Variants in MIS18A observed in about 807,000 individuals in gnomAD.
MIS18A encodes the protein protein Mis18-alpha.
A neutral mutation model predicts 25.0 loss-of-function variants in MIS18A; 14 were observed. The observed-to-expected ratio is 0.56, with a 90% CI of 0.37 to 0.88. The LOEUF (loss-of-function observed/expected upper bound fraction) is 0.88, where lower values mean the gene tolerates loss of function less well. Ranked by LOEUF, MIS18A falls within the 40% of genes least tolerant of loss-of-function variation. The probability of loss-of-function intolerance (pLI) is 0.00; values close to 1 mark genes in which losing one functional copy is unlikely to be tolerated. For missense variants in MIS18A, 292 were observed against 290.8 expected, an observed-to-expected ratio of 1.00 and a Z score of -0.03; for synonymous variants, 134 against 118.6, an observed-to-expected ratio of 1.13 and a Z score of -0.84.
At chr21:32,184,523 T>C in the MIS18A span, among the ~76,000 whole-genome samples, 1 of 152,180 alleles carries the variant, frequency 6.6e-6, no homozygotes, top group African/African-American at 2.4e-5. Context: ...ATCTGAGACA[T>C]CCCAATTATC....
intron 2 of MIS18A, among the ~76,000 whole-genome samples, chr21:32,271,060 C>T (rs2031706232): frequency 6.6e-6 from 1 of 152,156 alleles, no homozygotes; most frequent in Non-Finnish European, 1.5e-5. Context: ...TAGATGACAA[C>T]CCATGTAATT....
chr21:32,245,415 C>CTGAG, the MIS18A span, among the ~76,000 whole-genome samples: 1 of 152,222 alleles, frequency 6.6e-6, no homozygotes, highest in Admixed American at 6.5e-5. Flanking sequence ...GTGTGTGAAG[C>CTGAG]TGAGCCCTTT....
chr21:32,200,237 C>T, the MIS18A span, among the ~76,000 whole-genome samples: 4 of 152,238 alleles, frequency 2.6e-5, no homozygotes, highest in African/African-American at 9.6e-5. Flanking sequence ...TTTGCAAAAA[C>T]AGGCGCTGGG....
chr21:32,197,843 A>T, the MIS18A span: 4 of 152,232 alleles, frequency 2.6e-5, no homozygotes, highest in African/African-American at 9.6e-5. Context: ...GGTTGGCCCC[A>T]AACAGGCTTC....
At chr21:32,231,502 C>G in the MIS18A span, among the ~76,000 whole-genome samples, 5 of 152,124 alleles carry the variant, frequency 3.3e-5, no homozygotes, top group African/African-American at 7.2e-5. Context: ...TCACGTCACA[C>G]CCACTATGAT....
At chr21:32,246,406 T>A in the MIS18A span, among the ~76,000 whole-genome samples, 1 of 152,098 alleles carries the variant, frequency 6.6e-6, no homozygotes, top group South Asian at 2.1e-4. Flanking sequence ...CTGGTTTCTG[T>A]TAGGAAACCC....
chr21:32,257,786 G>A, the MIS18A span, among the ~76,000 whole-genome samples: 1 of 152,190 alleles, frequency 6.6e-6, no homozygotes, highest in Non-Finnish European at 1.5e-5. Context: ...AGGACTCCCA[G>A]TGTGCTGGAA....
the MIS18A span, among the ~76,000 whole-genome samples, chr21:32,178,588 T>C: frequency 6.6e-6 from 1 of 152,220 alleles, no homozygotes; most frequent in Non-Finnish European, 1.5e-5. Context: ...GTCTTGATGA[T>C]TTTGAGAAGT....
At chr21:32,252,666 C>G in the MIS18A span, among the ~76,000 whole-genome samples, 2 of 152,152 alleles carry the variant, frequency 1.3e-5, no homozygotes, top group African/African-American at 2.4e-5. Context: ...CTAAGTTGAC[C>G]CCCTACCACA....
chr21:32,222,206 A>G, the MIS18A span, among the ~76,000 whole-genome samples: 2 of 152,228 alleles, frequency 1.3e-5, no homozygotes, highest in African/African-American at 4.8e-5. Flanking sequence ...AGGGCATTAC[A>G]TAATGGTAAA....
chr21:32,242,175 C>T, the MIS18A span, among the ~76,000 whole-genome samples: 7 of 152,206 alleles, frequency 4.6e-5, no homozygotes, highest in African/African-American at 1.4e-4. Flanking sequence ...CCATCGCGCC[C>T]GGCCAGAAAG....
the MIS18A span, among the ~76,000 whole-genome samples, chr21:32,175,732 C>A: frequency 6.6e-6 from 1 of 151,562 alleles, no homozygotes. Flanking sequence ...ATCACTTGAA[C>A]CTGGGAGATG....
the MIS18A span, among the ~76,000 whole-genome samples, chr21:32,194,929 T>C: frequency 6.6e-6 from 1 of 152,238 alleles, no homozygotes; most frequent in South Asian, 2.1e-4. Flanking sequence ...TGAAACACCA[T>C]CTGTTAGCTA....
chr21:32,269,013 A>C lies in MIS18A; in HGVS notation c.*24T>G. 1 of 1,530,912 alleles carries C rather than the reference A, an allele frequency of 6.5e-7. No homozygotes were observed. Among genetic ancestry groups the C allele is most frequent in the Non-Finnish European group, 8.9e-7 (1 of 1,118,448 alleles). 94.8% of individuals were successfully genotyped at this position (1,530,912 alleles called of 1,614,324 possible). On this transcript the variant is annotated 3_prime_UTR_variant, in exon 5 of 5. Coordinates refer to ENST00000290130, the MANE Select transcript of MIS18A (RefSeq NM_018944.3). The stretch of plus-strand genomic sequence containing the variant: ...AAATAAGGGGAGGAAGGGCGGGGGC[A>C]GAATGGAGGACACAGACTAGAGTTC...
chr21:32,236,097 G>A, the MIS18A span, among the ~76,000 whole-genome samples: 5 of 152,034 alleles, frequency 3.3e-5, no homozygotes, highest in Admixed American at 6.6e-5. Flanking sequence ...AGAGTGGGCC[G>A]GGTACGGTGG....
chr21:32,199,132 T>A, the MIS18A span, among the ~76,000 whole-genome samples: 1 of 152,080 alleles, frequency 6.6e-6, no homozygotes, highest in Admixed American at 6.5e-5. Flanking sequence ...ATGGAAAAAA[T>A]TCCCAACGGG....
chr21:32,165,679 A>C, the MIS18A span, among the ~76,000 whole-genome samples: 7,709 of 152,152 alleles, frequency 0.051, 583 homozygotes, highest in African/African-American at 0.17. Flanking sequence ...GATTCATACA[A>C]AGATGACTGA....
chr21:32,193,308 C>T, the MIS18A span, among the ~76,000 whole-genome samples: 6 of 152,090 alleles, frequency 3.9e-5, no homozygotes, highest in African/African-American at 9.7e-5. Flanking sequence ...GGACTGTGTT[C>T]GTGGGTTCTT....
downstream of MIS18A, among the ~76,000 whole-genome samples, chr21:32,267,984 T>C (rs569926525): frequency 4.6e-5 from 7 of 152,336 alleles, no homozygotes; most frequent in South Asian, 6.2e-4. Context: ...CTGAGAACTT[T>C]AGTATTCTCA....
Sources: gnomAD v4.1 joint callset for allele counts (sites outside exome capture counted in the v4.1 genomes callset) on GRCh38, gnomAD v4.1.1 for gene constraint, MANE v1.5 for transcripts, NCBI Gene and HGNC (gene_info 2026-07-23, HGNC 2026-07-21) for gene names.